Variants in ELOC observed in about 807,000 individuals in gnomAD.
ELOC encodes the protein elongin-C.
For missense variants in ELOC, 38 were observed against 139.0 expected (o/e 0.27, Z 3.65); for synonymous variants, 40 against 51.3 (o/e 0.78, Z 0.94).
intron 1 of ELOC, among the ~76,000 whole-genome samples, chr8:73,962,708 C>T (rs982402107): frequency 1.8e-4 from 27 of 152,244 alleles, no homozygotes; most frequent in African/African-American, 6.0e-4. Flanking sequence ...AGCAACAATG[C>T]AAAGTCACAT....
chr8:73,947,552 TG>T (rs1813460815), intron 3 of ELOC, among the ~76,000 whole-genome samples: 1 of 152,144 alleles, frequency 6.6e-6, no homozygotes. Context: ...TATGGAATTC[TG>T]ATTTTTTTAG....
intron 1 of ELOC, among the ~76,000 whole-genome samples, chr8:73,961,658 C>T (rs538285537): frequency 5.3e-5 from 8 of 151,454 alleles, no homozygotes; most frequent in Admixed American, 2.6e-4. Flanking sequence ...GGATTACAGG[C>T]GTCTGTCACC....
At chr8:73,957,545 G>A (rs1170265322) in intron 2 of ELOC, among the ~76,000 whole-genome samples, 1 of 152,148 alleles carries the variant, frequency 6.6e-6, no homozygotes, top group Non-Finnish European at 1.5e-5. Context: ...ATATCCATTT[G>A]TTAAACAATT....
chr8:73,951,292 C>G (rs1276199976), intron 3 of ELOC, among the ~76,000 whole-genome samples: 1 of 152,038 alleles, frequency 6.6e-6, no homozygotes, highest in Non-Finnish European at 1.5e-5. Context: ...ACTATTGAAG[C>G]TGGATGATGG....
intron 3 of ELOC, 136 bp from the exon 4 acceptor site, chr8:73,946,956 G>A (rs918295154): frequency 1.6e-6 from 1 of 642,458 alleles, no homozygotes. Context: ...ATTAAAAGAG[G>A]TCATTAGGGT....
intron 3 of ELOC, among the ~76,000 whole-genome samples, chr8:73,953,425 C>G (rs1157761585): frequency 6.6e-6 from 1 of 152,106 alleles, no homozygotes; most frequent in Non-Finnish European, 1.5e-5. Flanking sequence ...GCTTGTAATC[C>G]CAGCACTTTG....
At chr8:73,956,920 T>C (rs1189396789) in intron 2 of ELOC, among the ~76,000 whole-genome samples, 2 of 152,102 alleles carry the variant, frequency 1.3e-5, no homozygotes, top group Non-Finnish European at 2.9e-5. Context: ...GGCGGGTGGA[T>C]CACGACGTCA....
chr8:73,947,898 A>G (rs560446571), intron 3 of ELOC, among the ~76,000 whole-genome samples: 1 of 152,204 alleles, frequency 6.6e-6, no homozygotes, highest in South Asian at 2.1e-4. Flanking sequence ...ACCTTTACTA[A>G]AATAGTACTT....
chr8:73,963,041 C>A (rs1485858540), intron 1 of ELOC, among the ~76,000 whole-genome samples: 1 of 152,152 alleles, frequency 6.6e-6, no homozygotes, highest in South Asian at 2.1e-4. Context: ...AAAAGCCACT[C>A]GTAGGGGAAC....
intron 1 of ELOC, chr8:73,964,692 TTGA>T (rs537448149): frequency 6.6e-6 from 1 of 152,036 alleles, no homozygotes; most frequent in Non-Finnish European, 1.5e-5. Context: ...AATGAAAAAC[TTGA>T]TGAACTGCAT....
chr8:73,966,090 AG>A (rs1814950494), intron 1 of ELOC, among the ~76,000 whole-genome samples: 1 of 152,210 alleles, frequency 6.6e-6, no homozygotes, highest in South Asian at 2.1e-4. Context: ...GTTGGAAATC[AG>A]TTTACAGATT....
intron 2 of ELOC, among the ~76,000 whole-genome samples, chr8:73,956,921 C>T (rs1002784065): frequency 4.6e-5 from 7 of 152,098 alleles, no homozygotes; most frequent in African/African-American, 1.4e-4. Context: ...GCGGGTGGAT[C>T]ACGACGTCAG....
chr8:73,970,872 A>AC lies in ELOC; in HGVS notation c.-51+1204_-51+1205insG, dbSNP rs1462126830. On this transcript the variant is annotated intron_variant, in intron 1 of 3. Coordinates refer to ENST00000520242, the MANE Select transcript of ELOC (RefSeq NM_005648.4). Reference sequence around the variant, plus strand: ...TCTACTAAAAAACAAAACAAAACAAAAAAAAAACAAAATTAGCCGGCAGTG... The same window carrying AC: ...TCTACTAAAAAACAAAACAAAACAAACAAAAAAACAAAATTAGCCGGCAGTG... Among the ~76,000 whole-genome samples the AC allele has an allele frequency of 1.0e-3, 152 of 149,414 alleles. No homozygotes were observed. The East Asian group carries it at 0.022, about 21-fold the overall frequency.
intron 3 of ELOC, among the ~76,000 whole-genome samples, chr8:73,954,803 G>A (rs560335079): frequency 4.6e-5 from 7 of 151,552 alleles, no homozygotes; most frequent in African/African-American, 1.2e-4. Context: ...AGGCTGAGGC[G>A]GGTGCACTGC....
intron 1 of ELOC, among the ~76,000 whole-genome samples, chr8:73,961,392 A>G (rs1352316787): frequency 6.6e-6 from 1 of 152,256 alleles, no homozygotes; most frequent in Non-Finnish European, 1.5e-5. Context: ...GGTTTAAATA[A>G]TGTCATCCAT....
At chr8:73,959,336 G>A (rs551178267) in intron 2 of ELOC, among the ~76,000 whole-genome samples, 77 of 152,206 alleles carry the variant, frequency 5.1e-4, no homozygotes, top group Non-Finnish European at 9.0e-4. Context: ...CAGCCTCCCA[G>A]GCAGCTGGAC....
intron 1 of ELOC, 155 bp downstream of exon 1, chr8:73,971,922 G>T (rs1218694183): frequency 6.6e-6 from 1 of 152,192 alleles, no homozygotes; most frequent in Non-Finnish European, 1.5e-5. Context: ...CCCCAAACTA[G>T]GGGCTGGGGA....
At chr8:73,958,528 A>G (rs1315636392) in intron 2 of ELOC, among the ~76,000 whole-genome samples, 1 of 152,078 alleles carries the variant, frequency 6.6e-6, no homozygotes, top group Admixed American at 6.5e-5. Context: ...TTTTTTGTCT[A>G]ATTTTTCATA....
chr8:73,960,536 C>T (rs1814520979), intron 1 of ELOC, among the ~76,000 whole-genome samples: 1 of 152,156 alleles, frequency 6.6e-6, no homozygotes, highest in Admixed American at 6.6e-5. Context: ...GCTGAAGACT[C>T]AGCTCAGCCT....
Sources: allele counts gnomAD v4.1 joint callset (sites outside exome capture counted in the v4.1 genomes callset), GRCh38; gene constraint gnomAD v4.1.1; transcripts MANE v1.5; gene names NCBI Gene and HGNC (gene_info 2026-07-23, HGNC 2026-07-21).